Variants in UTRN observed in about 807,000 individuals in gnomAD.
UTRN encodes dystrophin-related protein 1.
UTRN carries 283 observed loss-of-function variants against 463.9 expected under a neutral mutation model. The ratio of observed to expected loss-of-function variants is 0.61; its 90% CI spans 0.55 to 0.67. The LOEUF is 0.67. Among genes scored for constraint, UTRN ranks in the 30% least tolerant of loss-of-function variants. The pLI is 0.00. For missense variants in UTRN, 3,922 were observed against 4,084.3 expected, an observed-to-expected ratio of 0.96 and a Z score of 1.08; for synonymous variants, 1,442 against 1,431.5, an observed-to-expected ratio of 1.01 and a Z score of -0.17.
intron 27 of UTRN, 80 bp from the exon 28 acceptor site, chr6:144,485,305 C>T (rs964721571): frequency 2.6e-5 from 40 of 1,543,732 alleles, no homozygotes; most frequent in Admixed American, 2.0e-4. Flanking sequence ...AAATTATTAG[C>T]GATTAAAGAG....
rs114154860 is a variant in UTRN at position 144,398,117 on chromosome 6, G to A, written c.80-5006G>A. ...TGGAAAGATGACTGGGAAGTAGATG[G>A]TTTGCCTGTGTCATCACCACGTTTT... On this transcript the variant is annotated intron_variant, in intron 2 of 74. Coordinates refer to ENST00000367545, the MANE Select transcript of UTRN (RefSeq NM_007124.3). The A allele has an allele frequency of 4.6e-3, 1,138 of 247,754 alleles. 10 individuals carry two copies. Among genetic ancestry groups the A allele is most frequent in the African/African-American group, 0.025 (1,082 of 43,818 alleles). 15.3% of individuals were successfully genotyped at this position (247,754 alleles called of 1,614,324 possible).
At chr6:144,433,486 G>T (rs1313532050) in intron 9 of UTRN, among the ~76,000 whole-genome samples, 4 of 151,032 alleles carry the variant, frequency 2.6e-5, no homozygotes, top group Admixed American at 6.6e-5. Context: ...GCCAGGCAGA[G>T]GGTCTCCTCA....
intron 41 of UTRN, among the ~76,000 whole-genome samples, chr6:144,528,801 A>G (rs1796785349): frequency 6.6e-6 from 1 of 152,254 alleles, no homozygotes; most frequent in Admixed American, 6.5e-5. Context: ...GATGGTGCTT[A>G]CAAGAGAGCA....
At chr6:144,491,339 G>A (rs932980395) in intron 32 of UTRN, among the ~76,000 whole-genome samples, 4 of 152,172 alleles carry the variant, frequency 2.6e-5, no homozygotes, top group Middle Eastern at 3.2e-3. Context: ...ATAACATGAT[G>A]ACAAAAACCA....
chr6:144,729,402 C>T (rs900982592), intron 53 of UTRN, among the ~76,000 whole-genome samples: 3 of 152,086 alleles, frequency 2.0e-5, no homozygotes, highest in African/African-American at 4.8e-5. Context: ...ATTTAGTTGT[C>T]TTCAAAAGGA....
chr6:144,696,882 T>G (rs992637917), intron 52 of UTRN, among the ~76,000 whole-genome samples: 5 of 152,170 alleles, frequency 3.3e-5, no homozygotes, highest in African/African-American at 1.2e-4. Context: ...GGAGAAGGAA[T>G]AATAACTTGC....
At chr6:144,575,401 G>GATGA (rs1801340311) in intron 50 of UTRN, among the ~76,000 whole-genome samples, 1 of 152,138 alleles carries the variant, frequency 6.6e-6, no homozygotes, top group Admixed American at 6.5e-5. Flanking sequence ...CGGATGGATG[G>GATGA]ATGAATGGAT....
At chr6:144,675,283 C>A (rs2128681229) in intron 51 of UTRN, among the ~76,000 whole-genome samples, 1 of 152,290 alleles carries the variant, frequency 6.6e-6, no homozygotes, top group Middle Eastern at 3.4e-3. Flanking sequence ...TAGGGAATGT[C>A]TGCAAAGAGT....
chr6:144,369,601 C>T (rs559441598), intron 2 of UTRN, among the ~76,000 whole-genome samples: 13 of 152,208 alleles, frequency 8.5e-5, no homozygotes, highest in Admixed American at 3.9e-4. Flanking sequence ...GGCAACAGAG[C>T]GAGACTCTGT....
intron 51 of UTRN, among the ~76,000 whole-genome samples, chr6:144,669,406 G>A (rs1780760245): frequency 6.6e-6 from 1 of 152,030 alleles, no homozygotes; most frequent in African/African-American, 2.4e-5. Context: ...GCCAATTAAA[G>A]TATGTACTTT....
chr6:144,412,732 GTGTGTATATATATAT>G (rs894194895), intron 3 of UTRN, among the ~76,000 whole-genome samples: 11 of 125,012 alleles, frequency 8.8e-5, no homozygotes, highest in Non-Finnish European at 1.3e-4. Context: ...GTGTGTGTGT[GTGTGTATATATATAT>G]ATATACACAC....
intron 53 of UTRN, among the ~76,000 whole-genome samples, chr6:144,712,118 T>TA (rs1249834080): frequency 3.3e-5 from 5 of 152,154 alleles, no homozygotes; most frequent in South Asian, 2.1e-4. Context: ...TTTCTGAAAT[T>TA]AAAAAAAATT....
At chr6:144,732,243 T>TATATATATATACAC (rs1788670136) in intron 54 of UTRN, among the ~76,000 whole-genome samples, 5 of 100,992 alleles carry the variant, frequency 5.0e-5, no homozygotes, top group African/African-American at 2.3e-4. Context: ...TATATACATA[T>TATATATATATACAC]ATATATATAT....
chr6:144,822,480 C>G (rs1482520815), intron 66 of UTRN, among the ~76,000 whole-genome samples: 1 of 152,106 alleles, frequency 6.6e-6, no homozygotes, highest in Non-Finnish European at 1.5e-5. Flanking sequence ...ACTGTGTACA[C>G]TTAAGATATA....
chr6:144,338,535 G>A (rs1279982778), intron 2 of UTRN, among the ~76,000 whole-genome samples: 1 of 152,202 alleles, frequency 6.6e-6, no homozygotes, highest in Admixed American at 6.5e-5. Context: ...ATTGTAGGGA[G>A]CTGTGTGAAC....
chr6:144,525,284 G>C (rs1796470168), intron 41 of UTRN, among the ~76,000 whole-genome samples: 1 of 152,070 alleles, frequency 6.6e-6, no homozygotes, highest in Non-Finnish European at 1.5e-5. Flanking sequence ...TTGAATGTCT[G>C]ATAGAATTCA....
chr6:144,414,551 T>G (rs538406545), intron 3 of UTRN, among the ~76,000 whole-genome samples: 1 of 152,232 alleles, frequency 6.6e-6, no homozygotes, highest in Admixed American at 6.5e-5. Flanking sequence ...AGAAAAATAT[T>G]TTAAAAATAA....
At chr6:144,494,665 A>T (rs1353803021) in intron 33 of UTRN, among the ~76,000 whole-genome samples, 1 of 152,172 alleles carries the variant, frequency 6.6e-6, no homozygotes, top group Non-Finnish European at 1.5e-5. Context: ...CCTGAGCTAG[A>T]CACAAAGGTT....
chr6:144,439,190 G>C (rs1385536739), intron 12 of UTRN, among the ~76,000 whole-genome samples: 1 of 152,216 alleles, frequency 6.6e-6, no homozygotes, highest in Non-Finnish European at 1.5e-5. Context: ...ACCCAAGCAT[G>C]TTGGCGTTCA....
Sources: gnomAD v4.1 joint callset for allele counts (sites outside exome capture counted in the v4.1 genomes callset) on GRCh38, gnomAD v4.1.1 for gene constraint, MANE v1.5 for transcripts, NCBI Gene and HGNC (gene_info 2026-07-23, HGNC 2026-07-21) for gene names.